The following CA10 variants were observed in gnomAD, a reference collection of about 807,000 sequenced individuals.
CA10 encodes carbonic anhydrase-related protein 10.
A neutral mutation model predicts 44.2 loss-of-function variants in CA10; 14 were observed. The ratio of observed to expected loss-of-function variants is 0.32; its 90% CI spans 0.21 to 0.50. The LOEUF is 0.50. CA10 is among the 20% of genes least tolerant of loss of function. The probability of loss-of-function intolerance (pLI) is 0.99; values close to 1 mark genes in which losing one functional copy is unlikely to be tolerated. For missense variants in CA10, 350 were observed against 409.7 expected (o/e 0.85, Z 1.26); for synonymous variants, 159 against 141.6 (o/e 1.12, Z -0.87).
chr17:51,827,675 G>C (rs530660885), intron 3 of CA10, among the ~76,000 whole-genome samples: 5 of 152,242 alleles, frequency 3.3e-5, no homozygotes, highest in Admixed American at 3.3e-4. Context: ...ATCGTTACTA[G>C]TCCCATCTTT....
chr17:51,636,901 A>G (rs956862634), intron 6 of CA10, among the ~76,000 whole-genome samples: 7 of 151,948 alleles, frequency 4.6e-5, no homozygotes, highest in African/African-American at 1.7e-4. Context: ...ATTACTAAAT[A>G]CAGTAATTCA....
intron 3 of CA10, among the ~76,000 whole-genome samples, chr17:51,899,062 T>G (rs60176955): frequency 0.098 from 14,945 of 152,024 alleles, 916 homozygotes; most frequent in African/African-American, 0.18. Flanking sequence ...TCTGATTTTG[T>G]TTTTTTCTTG....
chr17:51,867,386 A>C (rs1979597437), intron 3 of CA10, among the ~76,000 whole-genome samples: 1 of 152,218 alleles, frequency 6.6e-6, no homozygotes. Context: ...TGTAATGGTT[A>C]AGAGCATGGG....
At chr17:52,108,651 G>A (rs940242532) in intron 1 of CA10, among the ~76,000 whole-genome samples, 8 of 134,030 alleles carry the variant, frequency 6.0e-5, no homozygotes, top group Non-Finnish European at 1.1e-4. Flanking sequence ...AGTGAGCAAA[G>A]ATTGAGCCAT....
intron 3 of CA10, among the ~76,000 whole-genome samples, chr17:51,765,691 C>G (rs963931549): frequency 4.7e-4 from 66 of 140,374 alleles, no homozygotes; most frequent in South Asian, 2.0e-3. Flanking sequence ...AGGCAGCTCC[C>G]TGTGTGTGTG....
chr17:51,861,334 T>G (rs1015297141), intron 3 of CA10, among the ~76,000 whole-genome samples: 2 of 151,926 alleles, frequency 1.3e-5, no homozygotes, highest in African/African-American at 4.8e-5. Context: ...CCAGCCTCAT[T>G]GTGGAGATTT....
chr17:52,002,794 A>G (rs1437962629), intron 2 of CA10, among the ~76,000 whole-genome samples: 3 of 151,916 alleles, frequency 2.0e-5, no homozygotes, highest in Non-Finnish European at 4.4e-5. Context: ...TAAGCATCGC[A>G]AGAAGCCAGT....
intron 4 of CA10, among the ~76,000 whole-genome samples, chr17:51,735,445 T>C (rs1309653580): frequency 2.0e-5 from 3 of 152,140 alleles, no homozygotes; most frequent in African/African-American, 7.2e-5. Flanking sequence ...GCTCAGTACC[T>C]GGGTGATGGG....
chr17:52,043,303 T>C (rs1007008280), intron 2 of CA10, among the ~76,000 whole-genome samples: 3 of 152,132 alleles, frequency 2.0e-5, no homozygotes, highest in African/African-American at 7.2e-5. Flanking sequence ...GTTAAATTTA[T>C]TCCTAAGTAT....
intron 4 of CA10, among the ~76,000 whole-genome samples, chr17:51,709,697 TG>T (rs1291940040): frequency 1.3e-5 from 2 of 151,896 alleles, no homozygotes; most frequent in Non-Finnish European, 2.9e-5. Flanking sequence ...TGGCTTGGAG[TG>T]TTCCCCAGGC....
intron 3 of CA10, among the ~76,000 whole-genome samples, chr17:51,824,207 G>A (rs112981482): frequency 0.01 from 1,569 of 152,212 alleles, 19 homozygotes; most frequent in African/African-American, 0.031. Context: ...TAAACCAAAC[G>A]TTTAAAAAGG....
intron 3 of CA10, among the ~76,000 whole-genome samples, chr17:51,873,361 T>C (rs564323074): frequency 2.6e-5 from 4 of 152,278 alleles, no homozygotes; most frequent in South Asian, 2.1e-4. Flanking sequence ...TCGGTATTTT[T>C]CCTATAAAGA....
At chr17:52,044,501 G>T (rs370227276) in intron 2 of CA10, among the ~76,000 whole-genome samples, 11 of 151,838 alleles carry the variant, frequency 7.2e-5, no homozygotes, top group Admixed American at 2.0e-4. Flanking sequence ...ATGGGGTTTT[G>T]TCATGTTGCC....
intron 4 of CA10, among the ~76,000 whole-genome samples, chr17:51,669,854 A>G (rs547399602): frequency 1.4e-3 from 218 of 152,286 alleles, no homozygotes; most frequent in African/African-American, 5.1e-3. Flanking sequence ...TTTGGACACA[A>G]TATGGTTTGG....
chr17:52,091,946 A>T (rs1988277320), intron 1 of CA10, among the ~76,000 whole-genome samples: 1 of 152,184 alleles, frequency 6.6e-6, no homozygotes, highest in South Asian at 2.1e-4. Context: ...GTTACCTTTG[A>T]AAAGTATATG....
At chr17:51,791,536 T>A (rs1343302074) in intron 3 of CA10, among the ~76,000 whole-genome samples, 1 of 152,158 alleles carries the variant, frequency 6.6e-6, no homozygotes, top group African/African-American at 2.4e-5. Flanking sequence ...TCAACATAAT[T>A]TTTTTGGATT....
chr17:51,808,217 AG>A (rs1320477892), intron 3 of CA10, among the ~76,000 whole-genome samples: 3 of 152,208 alleles, frequency 2.0e-5, no homozygotes, highest in African/African-American at 7.2e-5. Context: ...AAAGTTTCTT[AG>A]AGAGTTTATA....
chr17:52,114,335 A>C (rs1350022272), intron 1 of CA10, among the ~76,000 whole-genome samples: 5 of 152,222 alleles, frequency 3.3e-5, no homozygotes, highest in Admixed American at 2.6e-4. Context: ...TAAGCATAGC[A>C]GTAAAGAATG....
At chr17:51,992,433 T>C (rs1985075028) in intron 2 of CA10, among the ~76,000 whole-genome samples, 1 of 152,142 alleles carries the variant, frequency 6.6e-6, no homozygotes, top group African/African-American at 2.4e-5. Flanking sequence ...ATTTTCTCTA[T>C]ATGCCTATAG....
Sources: allele counts gnomAD v4.1 joint callset (sites outside exome capture counted in the v4.1 genomes callset), GRCh38; gene constraint gnomAD v4.1.1; transcripts MANE v1.5; gene names NCBI Gene and HGNC (gene_info 2026-07-23, HGNC 2026-07-21).